Variants in ZNF480 observed in about 807,000 individuals in gnomAD.
ZNF480 encodes the protein zinc finger protein 480.
In ZNF480, 15 loss-of-function variants were observed where a neutral mutation model predicts 14.4. That is an observed-to-expected ratio of 1.04 (90% CI 0.70 to 1.60). The LOEUF (loss-of-function observed/expected upper bound fraction) is 1.60. Among genes scored for constraint, ZNF480 ranks in the 40% most tolerant of loss-of-function variants. ZNF480 has a pLI of 0.00. For missense variants in ZNF480, 593 were observed against 629.7 expected (o/e 0.94, Z 0.62); for synonymous variants, 218 against 215.5 (o/e 1.01, Z -0.10).
chr19:52,320,155 A>G (rs1983748025), intron 4 of ZNF480, among the ~76,000 whole-genome samples: 1 of 152,098 alleles, frequency 6.6e-6, no homozygotes, highest in African/African-American at 2.4e-5. Flanking sequence ...AAGTTTGCTC[A>G]TTCTTTTTGG....
chr19:52,301,385 T>A (rs1031389280), intron 2 of ZNF480: 3 of 152,216 alleles, frequency 2.0e-5, no homozygotes, highest in African/African-American at 7.2e-5. Flanking sequence ...AGTTTTGTAA[T>A]ATCTAAAGAT....
At chr19:52,319,806 A>G (rs137892837) in intron 4 of ZNF480, among the ~76,000 whole-genome samples, 3,201 of 124,154 alleles carry the variant, frequency 0.026, 65 homozygotes, top group Middle Eastern at 0.05. Context: ...TGTAGCTGAT[A>G]CTGTGTTTTT....
chr19:52,299,330 C>T (rs1336449860), intron 1 of ZNF480, among the ~76,000 whole-genome samples: 1 of 152,222 alleles, frequency 6.6e-6, no homozygotes, highest in Non-Finnish European at 1.5e-5. Context: ...AGCAATTCGT[C>T]AGACACCGCC....
At position 52,315,362 on chromosome 19, in the gene ZNF480, C is replaced by G. The variant is rs561407731; in HGVS notation, c.200-472C>G. Reference sequence around the variant, plus strand: ...AGACAGAGTGTTTCACTCTTGGAGGCTGGAGTGCAATGGCGCGATCTTGGC... The same window carrying G: ...AGACAGAGTGTTTCACTCTTGGAGGGTGGAGTGCAATGGCGCGATCTTGGC... On this transcript the variant is annotated intron_variant, in intron 3 of 4. Coordinates refer to ENST00000595962, the MANE Select transcript of ZNF480 (RefSeq NM_144684.4). Among the ~76,000 whole-genome samples the G allele has an allele frequency of 1.5e-4, 23 of 151,654 alleles. No individual in the cohort carries two copies. The South Asian group carries it at 2.3e-3, about 15-fold the overall frequency.
chr19:52,316,568 AT>A (rs1340107252), intron 4 of ZNF480, among the ~76,000 whole-genome samples: 1 of 151,914 alleles, frequency 6.6e-6, no homozygotes, highest in Non-Finnish European at 1.5e-5. Context: ...TGCTATGTTG[AT>A]TTTGAACCCC....
At position 52,315,964 on chromosome 19, in the gene ZNF480, T is replaced by C; in HGVS notation, c.328+2T>C. The stretch of plus-strand genomic sequence containing the variant: ...AGTGCATCAAAGGTGTGAACACAGG[T>C]AAGAGCTCAGATGGGCATGGTGGAA... On this transcript the variant is annotated splice_donor_variant, in intron 4 of 4. Coordinates refer to ENST00000595962, the MANE Select transcript of ZNF480 (RefSeq NM_144684.4). LOFTEE classifies it high-confidence loss of function. The C allele has an allele frequency of 6.2e-7, 1 of 1,604,052 alleles. No individual in the cohort carries two copies. Among genetic ancestry groups the C allele is most frequent in the Non-Finnish European group, 8.5e-7 (1 of 1,173,736 alleles).
At position 52,324,781 on chromosome 19, in the gene ZNF480, T is replaced by A. The variant is rs1427645841; in HGVS notation, c.*1923T>A. The A allele has an allele frequency of 6.6e-6, 1 of 151,950 alleles. No individual in the cohort carries two copies. The highest frequency in any genetic ancestry group is 1.5e-5 in the Non-Finnish European group (1 of 67,996). 9.4% of individuals were successfully genotyped at this position (151,950 alleles called of 1,614,324 possible). A position where few individuals can be genotyped will look rare whatever the true frequency, so the allele number is the denominator to read the frequency against. On this transcript the variant is annotated 3_prime_UTR_variant, in exon 5 of 5. Coordinates refer to ENST00000595962, the MANE Select transcript of ZNF480 (RefSeq NM_144684.4). Reference sequence around the variant, plus strand: ...TCCTTCACGATATACAAAAATCAACTCAAGATGGATTAAAGACTTAAATAT... The same window carrying A: ...TCCTTCACGATATACAAAAATCAACACAAGATGGATTAAAGACTTAAATAT...
At chr19:52,300,161 A>C (rs1159351482) in intron 1 of ZNF480, among the ~76,000 whole-genome samples, 4 of 152,196 alleles carry the variant, frequency 2.6e-5, no homozygotes, top group Non-Finnish European at 5.9e-5. Flanking sequence ...CCAGCTCCCC[A>C]CTGCTGCAGC....
Position 52,315,887 on chromosome 19 carries a change from C to G in ZNF480, c.253C>G (p.Pro85Ala). ...CTCCATGTTGGAGCAAAGGAGGGAG[C>G]CCTGGTCTGGTGAGAGTGAAGTGAA... ...INSMLEQRRE[P>A]WSGESEVKIA... Residue 85 changes from proline (P) to alanine (A), a missense_variant, in exon 4 of 5, where the codon CCC becomes GCC. Transcript: ENST00000595962. 1 of 1,612,894 alleles carries G rather than the reference C, an allele frequency of 6.2e-7. No homozygotes were observed. The highest frequency in any genetic ancestry group is 8.5e-7 in the Non-Finnish European group (1 of 1,179,308).
Position 52,325,607 on chromosome 19 carries a change from G to A in ZNF480, c.*2749G>A, listed in dbSNP as rs1301399814. On this transcript the variant is annotated 3_prime_UTR_variant, in exon 5 of 5. Coordinates refer to ENST00000595962, the MANE Select transcript of ZNF480 (RefSeq NM_144684.4). ...CAGCCATAAAAAAGAACAAGACTGT[G>A]TCCTTTACAGCAACATAGATGGAGC... 1 of 152,220 alleles carries A rather than the reference G, an allele frequency of 6.6e-6. No homozygotes were observed. Among genetic ancestry groups the A allele is most frequent in the East Asian group, 1.9e-4 (1 of 5,192 alleles). The allele number at this position is 152,220 out of a possible 1,614,324, so 9.4% of individuals were successfully genotyped here.
intron 4 of ZNF480, among the ~76,000 whole-genome samples, chr19:52,318,913 G>T (rs562007239): frequency 1.4e-4 from 22 of 152,044 alleles, no homozygotes; most frequent in Admixed American, 9.8e-4. Context: ...ATCCAAGCTG[G>T]AGTGCAGCAG....
Position 52,323,922 on chromosome 19 carries a change from TC to T in ZNF480, c.*1065del, listed in dbSNP as rs1033940896. The T allele has an allele frequency of 1.3e-5, 2 of 152,116 alleles. No homozygotes were observed. The highest frequency in any genetic ancestry group is 1.3e-4 in the Admixed American group (2 of 15,256). The allele number at this position is 152,116 out of a possible 1,614,324, so 9.4% of individuals were successfully genotyped here. On this transcript the variant is annotated 3_prime_UTR_variant, in exon 5 of 5. Coordinates refer to ENST00000595962, the MANE Select transcript of ZNF480 (RefSeq NM_144684.4). ...GGATGACCACTCTCACCACTCCGAT[TC>T]AACATAGTACTGGAAGTCCTAAGCT...
intron 2 of ZNF480, among the ~76,000 whole-genome samples, chr19:52,305,648 C>T (rs901365429): frequency 3.0e-4 from 45 of 152,212 alleles, no homozygotes; most frequent in African/African-American, 1.1e-3. Context: ...GCAAGGGGTG[C>T]CACAGACTCC....
At chr19:52,310,090 C>G (rs887987849) in intron 2 of ZNF480, among the ~76,000 whole-genome samples, 2 of 151,722 alleles carry the variant, frequency 1.3e-5, no homozygotes, top group South Asian at 2.1e-4. Context: ...GAGTCTTGCT[C>G]TGTCACCCAG....
rs755082144 is a variant in ZNF480, at chr19:52,300,488, A to C, written c.72+4A>C. 16 of 1,611,398 alleles carry C rather than the reference A, an allele frequency of 9.9e-6. No individual in the cohort carries two copies. Among genetic ancestry groups the C allele is most frequent in the Admixed American group, 1.7e-5 (1 of 59,996 alleles). On this transcript the variant is annotated splice_donor_region_variant and intron_variant, in intron 2 of 4. Transcript: ENST00000595962. The stretch of plus-strand genomic sequence containing the variant: ...GTCAGGGATGGCTCTTCCTCAGGTG[A>C]GATGATATTCTCGGTGGATTGTTCT...
chr19:52,316,194 CTCTT>C (rs56388324), intron 4 of ZNF480, among the ~76,000 whole-genome samples: 5,603 of 142,754 alleles, frequency 0.039, 344 homozygotes, highest in African/African-American at 0.13. Context: ...CTCTCTCTTT[CTCTT>C]TCTTTCTTTC....
chr19:52,321,744 C>A lies in ZNF480; in HGVS notation c.494C>A (p.Ser165Tyr). 6.2e-7 allele frequency: 1 copy of A among 1,613,962 alleles called. No individual in the cohort carries two copies. Among genetic ancestry groups the A allele is most frequent in the Non-Finnish European group, 8.5e-7 (1 of 1,179,932 alleles). ...TTTATCAACCACAGTTCCTCTGTTT[C>A]CTGTCTTCAAGAAATGTCTTCCAGT... ...ENFINHSSSV[S>Y]CLQEMSSSVK... Residue 165 changes from serine to tyrosine, a missense_variant, in exon 5 of 5, where the codon TCC (serine) becomes TAC (tyrosine). By Grantham distance (144) the Ser-to-Tyr change is moderately radical (BLOSUM62 -2). Coordinates refer to ENST00000595962, the MANE Select transcript of ZNF480 (RefSeq NM_144684.4).
chr19:52,313,758 G>A (rs917937743), intron 2 of ZNF480: 3 of 435,322 alleles, frequency 6.9e-6, no homozygotes, highest in African/African-American at 4.0e-5. Context: ...GGGAGGCTGA[G>A]ATGTGTGGAC....
intron 1 of ZNF480, among the ~76,000 whole-genome samples, chr19:52,297,475 A>T (rs190515232): frequency 4.0e-5 from 6 of 151,656 alleles, no homozygotes; most frequent in African/African-American, 1.5e-4. Context: ...TTCCTGTTTC[A>T]AGTCCTTCAG....
Sources: gnomAD v4.1 joint callset for allele counts (sites outside exome capture counted in the v4.1 genomes callset) on GRCh38, gnomAD v4.1.1 for gene constraint, MANE v1.5 for transcripts, NCBI Gene and HGNC (gene_info 2026-07-23, HGNC 2026-07-21) for gene names.